Variants in HCN2 observed in about 807,000 individuals in gnomAD.
HCN2 encodes hyperpolarization activated cyclic nucleotide gated potassium and sodium channel 2.
In HCN2, 20 loss-of-function variants were observed where a neutral mutation model predicts 52.3. That is an observed-to-expected ratio of 0.38 (90% CI 0.27 to 0.56). HCN2 has a LOEUF of 0.56. Among genes scored for constraint, HCN2 ranks in the 20% least tolerant of loss-of-function variants. HCN2 has a pLI of 0.71. For missense variants in HCN2, 981 were observed against 1,207.7 expected (o/e 0.81, Z 2.78); for synonymous variants, 694 against 537.0 (o/e 1.29, Z -4.04).
chr19:610,316 A>AAGATCC lies in HCN2; in HGVS notation c.1497_1502dup (p.Ile500_His501insGlnIle). 1 of 1,613,828 alleles carries AAGATCC rather than the reference A, an allele frequency of 6.2e-7. No individual in the cohort carries two copies. Among genetic ancestry groups the AAGATCC allele is most frequent in the Non-Finnish European group, 8.5e-7 (1 of 1,179,818 alleles). On this transcript the variant is annotated inframe_insertion, in exon 5 of 8. Coordinates refer to ENST00000251287, the MANE Select transcript of HCN2 (RefSeq NM_001194.4). ...CAAGCTGCCAGCTGACTTCCGCCAG[A>AAGATCC]AGATCCACGACTACTATGAGCACCG...
At position 616,184 on chromosome 19, in the gene HCN2, C is replaced by T. The variant is rs1245607027; in HGVS notation, c.2380C>T (p.Pro794Ser). ...PASPRAPRTS[P>S]YGGLPAAPLA... ...CAGCCCCCGGGCACCGCGGACCTCG[C>T]CCTACGGCGGCCTGCCCGCCGCCCC... is the stretch of plus-strand genomic sequence containing the variant. Residue 794 changes from proline to serine, a missense_variant, in exon 8 of 8, where the codon CCC (proline) becomes TCC (serine). Pro to Ser is a moderately conservative substitution (Grantham distance 74). Around this residue, in one of 6 missense-constraint regions of HCN2, gnomAD observed 368 missense variants for 314.8 expected, o/e 1.17. Transcript: ENST00000251287. The T allele has an allele frequency of 1.5e-5, 15 of 980,624 alleles. No individual in the cohort carries two copies. In the South Asian group the frequency reaches 3.6e-4, roughly 23 times the overall value. 60.7% of individuals were successfully genotyped at this position (980,624 alleles called of 1,614,324 possible).
Position 589,901 on chromosome 19 carries a change from G to C in HCN2, c.-45G>C. The C allele has an allele frequency of 1.3e-6, 1 of 772,450 alleles. No homozygotes were observed. Among genetic ancestry groups the C allele is most frequent in the Non-Finnish European group, 1.5e-6 (1 of 649,212 alleles). 47.8% of individuals were successfully genotyped at this position (772,450 alleles called of 1,614,324 possible). On this transcript the variant is annotated 5_prime_UTR_variant, in exon 1 of 8. Transcript: ENST00000251287. Reference sequence around the variant, plus strand: ...CCCCTCCCTCGGGCTCCGGCCGGCGGCGGCGGCGGCGGCTCCGCTCCGCAC... The same window carrying C: ...CCCCTCCCTCGGGCTCCGGCCGGCGCCGGCGGCGGCGGCTCCGCTCCGCAC...
Position 613,496 on chromosome 19 carries a change from T to G in HCN2, c.1825+8T>G, listed in dbSNP as rs1446909597. 30 of 1,216,522 alleles carry G rather than the reference T, an allele frequency of 2.5e-5. No homozygotes were observed. The highest frequency in any genetic ancestry group is 3.0e-5 in the Non-Finnish European group (28 of 925,178). The allele number at this position is 1,216,522 out of a possible 1,614,324, so 75.4% of individuals were successfully genotyped here. A position where few individuals can be genotyped will look rare whatever the true frequency, so the allele number is the denominator to read the frequency against. ...ATGGCTCCTACTTCGGGGGTGAGCT[T>G]GAGGGGGGCGCGCCTGGAGGGGGAG... On this transcript the variant is annotated splice_region_variant and intron_variant, in intron 6 of 7. Transcript: ENST00000251287.
At chr19:610,857 C>T (rs548514346) in intron 5 of HCN2, among the ~76,000 whole-genome samples, 1 of 152,244 alleles carries the variant, frequency 6.6e-6, no homozygotes, top group South Asian at 2.1e-4. Flanking sequence ...GGAGATTCGG[C>T]CTCCCACCGT....
In HCN2 at chr19:616,020, G is replaced by A. The variant is rs1983895396; in HGVS notation, c.2216G>A (p.Cys739Tyr). The change falls in exon 8 of 8, where the codon TGC (cysteine) becomes TAC (tyrosine). Residue 739 changes from cysteine to tyrosine, a missense_variant. Physicochemically the swap from Cys to Tyr is radical, Grantham distance 194. Transcript: ENST00000251287. ...TLQQAAAMSF[C>Y]PQVARPLVGP... Reference sequence around the variant, plus strand: ...CAGCAGGCGGCGGCCATGAGCTTCTGCCCGCAGGTGGCGCGGCCGCTCGTG... The same window carrying A: ...CAGCAGGCGGCGGCCATGAGCTTCTACCCGCAGGTGGCGCGGCCGCTCGTG... 7.2e-7 allele frequency: 1 copy of A among 1,382,680 alleles called. No homozygotes were observed. Among genetic ancestry groups the A allele is most frequent in the African/African-American group, 1.5e-5 (1 of 65,406 alleles). 85.7% of individuals were successfully genotyped at this position (1,382,680 alleles called of 1,614,324 possible).
chr19:594,433 T>C (rs1223000685), intron 1 of HCN2, among the ~76,000 whole-genome samples: 2 of 152,238 alleles, frequency 1.3e-5, no homozygotes, highest in Admixed American at 6.5e-5. Context: ...TGTTTCTGAA[T>C]TGTCTTCAGC....
Position 603,745 on chromosome 19 carries a change from C to G in HCN2, c.834C>G (p.Asp278Glu), listed in dbSNP as rs779125717. 2 of 1,612,844 alleles carry G rather than the reference C, an allele frequency of 1.2e-6. No individual in the cohort carries two copies. The highest frequency in any genetic ancestry group is 2.2e-5 in the East Asian group (1 of 44,886). ...AGGACAACACGGAGATCATCCTGGACCCCGAGAAGATCAAGAAGAAGTATC... is the reference window on the plus strand; with the variant it reads ...AGGACAACACGGAGATCATCCTGGAGCCCGAGAAGATCAAGAAGAAGTATC... ...VIEDNTEIIL[D>E]PEKIKKKYLR... Residue 278 changes from aspartate to glutamate, a missense_variant, in exon 2 of 8, where the codon GAC becomes GAG. Asp to Glu is a conservative substitution (Grantham distance 45, BLOSUM62 2). Coordinates refer to ENST00000251287, the MANE Select transcript of HCN2 (RefSeq NM_001194.4).
At chr19:610,533 G>C (rs960733903) in intron 5 of HCN2, 128 bp downstream of exon 5, 3 of 793,484 alleles carry the variant, frequency 3.8e-6, no homozygotes, top group Non-Finnish European at 4.1e-6. Context: ...ACTCGAGCTA[G>C]ACCTGCGTAC....
intron 5 of HCN2, among the ~76,000 whole-genome samples, chr19:612,362 C>G (rs1322224039): frequency 6.6e-6 from 1 of 150,382 alleles, no homozygotes; most frequent in Admixed American, 6.6e-5. Context: ...CAAAAATCAC[C>G]TGATAGTCTG....
rs143242273 is a variant in HCN2 at position 612,457 on chromosome 19, C to T, written c.1585-791C>T. ...GAGAGATGGAGTCTCGCTCTGTCAC[C>T]CGGGCTCCAGTGCAGTTGTGTGATC... On this transcript the variant is annotated intron_variant, in intron 5 of 7. Transcript: ENST00000251287. 4.7e-3 allele frequency among the ~76,000 whole-genome samples: 647 copies of T among 138,574 alleles called. 3 individuals carry two copies. The highest frequency in any genetic ancestry group is 7.4e-3 in the Non-Finnish European group (465 of 63,136). The allele number at this position is 138,574 out of a possible 152,430, so 90.9% of individuals were successfully genotyped here.
At chr19:604,029 GGGCCAAGGCAGCAGGGGCGGGGC>G in intron 2 of HCN2, 62 bp downstream of exon 2, 1 of 1,294,186 alleles carries the variant, frequency 7.7e-7, no homozygotes, top group Non-Finnish European at 1.1e-6. Context: ...TGCATGGGCG[GGGCCAAGGCAGCAGGGGCGGGGC>G]TATAATGGTG....
At chr19:607,779 A>C (rs911085390) in intron 3 of HCN2, among the ~76,000 whole-genome samples, 185 bp from the exon 4 acceptor site, 5 of 152,150 alleles carry the variant, frequency 3.3e-5, no homozygotes, top group Admixed American at 6.5e-5. Context: ...CCTCCTGCCA[A>C]CTCACTGTGA....
intron 1 of HCN2, among the ~76,000 whole-genome samples, chr19:593,025 C>A (rs1452515906): frequency 1.3e-5 from 2 of 152,156 alleles, no homozygotes; most frequent in African/African-American, 2.4e-5. Context: ...CTCAGCCTCA[C>A]GTCTCACACT....
rs752174401 is a variant in HCN2 at position 607,944 on chromosome 19, C to T, written c.1219-20C>T. ...GGCGTGAGCACCTGCCCACCACCGC[C>T]CCTCCTGCTGGCCTTGCAGAACCAC... On this transcript the variant is annotated intron_variant, in intron 3 of 7. Coordinates refer to ENST00000251287, the MANE Select transcript of HCN2 (RefSeq NM_001194.4). 2 of 1,595,226 alleles carry T rather than the reference C, an allele frequency of 1.3e-6. No homozygotes were observed. Among genetic ancestry groups the T allele is most frequent in the Middle Eastern group, 2.1e-4 (1 of 4,796 alleles).
In HCN2 at chr19:605,192, C is replaced by G. The variant is rs751189514; in HGVS notation, c.1188C>G (p.Arg396=). The G allele has an allele frequency of 4.3e-6, 7 of 1,610,778 alleles. No individual in the cohort carries two copies. The highest frequency in any genetic ancestry group is 2.2e-5 in the East Asian group (1 of 44,880). ...TGCCTATGCTGCAGGACTTCCCGCG[C>G]AACTGCTGGGTGTCCATCAATGGCA... ...FLVPMLQDFP[R]NCWVSINGMV... is the part of the protein sequence containing the mutation. Residue 396 remains arginine, a synonymous_variant, in exon 3 of 8, where the codon CGC becomes CGG. Coordinates refer to ENST00000251287, the MANE Select transcript of HCN2 (RefSeq NM_001194.4).
At chr19:613,173 C>G in intron 5 of HCN2, 75 bp from the exon 6 acceptor site, 2 of 1,511,334 alleles carry the variant, frequency 1.3e-6, no homozygotes, top group Non-Finnish European at 1.8e-6. Context: ...GAGAGGTGAG[C>G]CGGTCCCAGA....
intron 3 of HCN2, 104 bp from the exon 4 acceptor site, chr19:607,860 C>A: frequency 1.3e-6 from 1 of 794,832 alleles, no homozygotes; most frequent in Non-Finnish European, 2.0e-6. Context: ...GGGGAGCTCA[C>A]CACCTCCAGT....
intron 5 of HCN2, among the ~76,000 whole-genome samples, chr19:610,958 C>T (rs562124125): frequency 6.6e-6 from 1 of 152,182 alleles, no homozygotes; most frequent in African/African-American, 2.4e-5. Context: ...CCTCTTCCGG[C>T]GTCTGGGGCT....
At chr19:613,201 G>A in intron 5 of HCN2, 47 bp from the exon 6 acceptor site, 1 of 1,561,396 alleles carries the variant, frequency 6.4e-7, no homozygotes, top group Non-Finnish European at 8.7e-7. Flanking sequence ...CGAGGGGGAA[G>A]CGGGAGTGGG....
Sources: allele counts gnomAD v4.1 joint callset (sites outside exome capture counted in the v4.1 genomes callset), GRCh38; gene constraint gnomAD v4.1.1; regional missense constraint gnomAD v4.1.1; transcripts MANE v1.5; gene names NCBI Gene and HGNC (gene_info 2026-07-23, HGNC 2026-07-21).